MPP7: variants seen among roughly 807,000 people sequenced by gnomAD.
MPP7 encodes the protein MAGUK p55 scaffold protein 7, also known as MAGUK p55 subfamily member 7.
Under a neutral mutation model 76.5 loss-of-function variants are expected in MPP7, and 60 were observed. The ratio of observed to expected loss-of-function variants is 0.78; its 90% confidence interval spans 0.64 to 0.97. MPP7 has a LOEUF of 0.97. MPP7 is among the 50% of genes least tolerant of loss of function. The probability of loss-of-function intolerance (pLI) is 0.00; values close to 1 mark genes in which losing one functional copy is unlikely to be tolerated. For missense variants in MPP7, 641 were observed against 694.0 expected, an observed-to-expected ratio of 0.92 and a Z score of 0.86; for synonymous variants, 237 against 244.5, an observed-to-expected ratio of 0.97 and a Z score of 0.29.
At chr10:28,145,642 T>C (rs769647605) in intron 5 of MPP7, among the ~76,000 whole-genome samples, 1 of 152,170 alleles carries the variant, frequency 6.6e-6, no homozygotes, top group African/African-American at 2.4e-5. Flanking sequence ...AGATACTTTA[T>C]TCCCAAGACT....
chr10:28,161,458 C>CT (rs928893266), intron 3 of MPP7, among the ~76,000 whole-genome samples: 1 of 147,412 alleles, frequency 6.8e-6, no homozygotes, highest in Non-Finnish European at 1.5e-5. Context: ...GCTATGAATT[C>CT]TTTTTTCAAT....
At chr10:28,324,849 C>A (rs1418145191) in intron 2 of MPP7, among the ~76,000 whole-genome samples, 1 of 152,240 alleles carries the variant, frequency 6.6e-6, no homozygotes, top group Admixed American at 6.5e-5. Context: ...TTATTAGCCC[C>A]TTTTTAACAG....
intron 3 of MPP7, among the ~76,000 whole-genome samples, chr10:28,168,767 C>T (rs1230726159): frequency 6.6e-6 from 1 of 152,150 alleles, no homozygotes. Context: ...ATCTGCCCAC[C>T]TCGGCCTCCC....
At chr10:28,267,156 C>T (rs150726829) in intron 1 of MPP7, among the ~76,000 whole-genome samples, 2 of 152,246 alleles carry the variant, frequency 1.3e-5, no homozygotes, top group East Asian at 1.9e-4. Context: ...ATATTGTCTA[C>T]AGCTGCTTTT....
chr10:28,095,768 G>T (rs1019602173), intron 11 of MPP7, among the ~76,000 whole-genome samples: 1 of 152,134 alleles, frequency 6.6e-6, no homozygotes, highest in Non-Finnish European at 1.5e-5. Flanking sequence ...AGGGAAAGGG[G>T]TACATTAACA....
chr10:28,065,663 T>C (rs1056835706), intron 13 of MPP7, among the ~76,000 whole-genome samples: 48 of 152,078 alleles, frequency 3.2e-4, no homozygotes, highest in African/African-American at 1.1e-3. Flanking sequence ...TATCCCAAAA[T>C]AGCTGTCCTG....
rs1254174584 is a variant in MPP7 at position 28,120,337 on chromosome 10, T to C, written c.744A>G (p.Pro248=). The part of the protein sequence containing the change: ...DYNPNEDKAI[P]CKEAGLSFKK... ...TGAAAGAAAGCCCAGCTTCCTTACA[T>C]GGAATTGCCTTATCCTCATTAGGAT... Residue 248 remains proline (P), a synonymous_variant, in exon 10 of 17, where the codon CCA becomes CCG. Transcript: ENST00000683449. 1 of 1,613,920 alleles carries C rather than the reference T, an allele frequency of 6.2e-7. No homozygotes were observed. The highest frequency in any genetic ancestry group is 8.5e-7 in the Non-Finnish European group (1 of 1,179,946).
intron 2 of MPP7, among the ~76,000 whole-genome samples, chr10:28,234,089 G>C (rs911691357): frequency 1.3e-5 from 2 of 152,128 alleles, no homozygotes; most frequent in Non-Finnish European, 2.9e-5. Context: ...CCCAACAAAA[G>C]GAACTAGAGC....
At chr10:28,196,306 C>T (rs1418362283) in intron 3 of MPP7, among the ~76,000 whole-genome samples, 1 of 152,010 alleles carries the variant, frequency 6.6e-6, no homozygotes, top group Non-Finnish European at 1.5e-5. Context: ...CATGGTGGAA[C>T]CCATCTCCAC....
In MPP7 at chr10:28,150,031, T is replaced by C; in HGVS notation, c.185A>G (p.Lys62Arg). ...ATGGAGAATGGGCACCGGACTCTGC[T>C]TCTCATAGTAGTGTAGTTTTTCATG... ...KIHEKLHYYE[K>R]QSPVPILHGA... The change falls in exon 4 of 17, where the codon AAG becomes AGG. Residue 62 changes from lysine (K) to arginine (R), a missense_variant. Lys to Arg is a conservative substitution (Grantham distance 26, BLOSUM62 2). Coordinates refer to ENST00000683449, the MANE Select transcript of MPP7 (RefSeq NM_001318170.2). 6.2e-7 allele frequency: 1 copy of C among 1,613,788 alleles called. No homozygotes were observed. Among genetic ancestry groups the C allele is most frequent in the Non-Finnish European group, 8.5e-7 (1 of 1,179,910 alleles).
At chr10:28,225,965 G>C (rs910768083) in intron 2 of MPP7, among the ~76,000 whole-genome samples, 2 of 152,100 alleles carry the variant, frequency 1.3e-5, no homozygotes, top group Non-Finnish European at 2.9e-5. Context: ...ACGCACAATA[G>C]CTAAAATATG....
At chr10:28,097,205 G>C (rs1181904071) in intron 11 of MPP7, among the ~76,000 whole-genome samples, 1 of 152,040 alleles carries the variant, frequency 6.6e-6, no homozygotes, top group African/African-American at 2.4e-5. Context: ...AGGTTGCACA[G>C]GCTAACCTCA....
At chr10:28,185,621 C>T (rs1270985044) in intron 3 of MPP7, among the ~76,000 whole-genome samples, 1 of 152,202 alleles carries the variant, frequency 6.6e-6, no homozygotes, top group Non-Finnish European at 1.5e-5. Context: ...TACACTCACA[C>T]ATCCAATCAT....
chr10:28,168,550 G>T (rs890570429), intron 3 of MPP7, among the ~76,000 whole-genome samples: 5 of 151,256 alleles, frequency 3.3e-5, no homozygotes, highest in African/African-American at 1.2e-4. Flanking sequence ...ACAGAGTCTC[G>T]CTCTGTCGCC....
intron 2 of MPP7, among the ~76,000 whole-genome samples, chr10:28,326,115 C>G (rs1834412012): frequency 6.6e-6 from 1 of 152,084 alleles, no homozygotes; most frequent in African/African-American, 2.4e-5. Flanking sequence ...ATGTGGTTAC[C>G]CTATTCTGGA....
intron 1 of MPP7, among the ~76,000 whole-genome samples, chr10:28,240,995 G>A (rs969655909): frequency 2.6e-5 from 4 of 152,018 alleles, no homozygotes; most frequent in African/African-American, 9.7e-5. Context: ...TTTATGTCAT[G>A]AGAAAAGCCT....
intron 11 of MPP7, among the ~76,000 whole-genome samples, chr10:28,099,864 T>C (rs1209790541): frequency 6.6e-6 from 1 of 152,048 alleles, no homozygotes; most frequent in Non-Finnish European, 1.5e-5. Context: ...AATACATTTG[T>C]TTGATACAAA....
intron 4 of MPP7, among the ~76,000 whole-genome samples, chr10:28,148,712 A>C (rs1449122994): frequency 6.6e-6 from 1 of 152,214 alleles, no homozygotes; most frequent in Non-Finnish European, 1.5e-5. Flanking sequence ...AATATATTTT[A>C]ACATTTAAAT....
intron 1 of MPP7, among the ~76,000 whole-genome samples, chr10:28,246,141 T>A (rs1456591545): frequency 6.6e-6 from 1 of 152,006 alleles, no homozygotes; most frequent in Admixed American, 6.6e-5. Context: ...CCAAAGATAC[T>A]CATGCTAAGA....
Sources: gnomAD v4.1 joint callset for allele counts (sites outside exome capture counted in the v4.1 genomes callset) on GRCh38, gnomAD v4.1.1 for gene constraint, MANE v1.5 for transcripts, NCBI Gene and HGNC (gene_info 2026-07-23, HGNC 2026-07-21) for gene names.